ATXN1: variants seen among roughly 807,000 people sequenced by gnomAD.
ATXN1 encodes the protein ataxin 1.
Under a neutral mutation model 56.4 loss-of-function variants are expected in ATXN1, and 8 were observed. The observed-to-expected ratio is 0.14, with a 90% CI of 0.08 to 0.26. The LOEUF (loss-of-function observed/expected upper bound fraction) is 0.26. ATXN1 is among the 10% of genes least tolerant of loss of function. ATXN1 has a pLI of 1.00. For missense variants in ATXN1, 987 were observed against 1,106.5 expected (o/e 0.89, Z 1.53); for synonymous variants, 514 against 494.6 (o/e 1.04, Z -0.52).
intron 4 of ATXN1, among the ~76,000 whole-genome samples, chr6:16,527,298 G>A (rs1761414379): frequency 6.6e-6 from 1 of 152,052 alleles, no homozygotes; most frequent in Admixed American, 6.5e-5. Context: ...AATGGGCAGA[G>A]TGTGTGGAAA....
chr6:16,530,203 T>C (rs969041848), intron 4 of ATXN1, among the ~76,000 whole-genome samples: 2 of 152,234 alleles, frequency 1.3e-5, no homozygotes, highest in African/African-American at 4.8e-5. Flanking sequence ...AGCTCTATTT[T>C]CAACATTAAA....
intron 4 of ATXN1, among the ~76,000 whole-genome samples, chr6:16,551,662 C>T (rs1761922544): frequency 6.6e-6 from 1 of 152,154 alleles, no homozygotes; most frequent in Admixed American, 6.5e-5. Flanking sequence ...ATGTCTACTG[C>T]TTCTAAGTGA....
chr6:16,439,335 T>C (rs1347931455), intron 6 of ATXN1, among the ~76,000 whole-genome samples: 4 of 15,098 alleles, frequency 2.6e-4, no homozygotes, highest in Non-Finnish European at 3.6e-4. Context: ...AGACTTCTTT[T>C]CGCGGGGGGG....
intron 2 of ATXN1, chr6:16,736,975 G>A (rs1393454400): frequency 1.3e-5 from 2 of 152,166 alleles, no homozygotes; most frequent in African/African-American, 2.4e-5. Context: ...AATAAAGAAT[G>A]TATGCACAAA....
intron 6 of ATXN1, among the ~76,000 whole-genome samples, chr6:16,357,454 G>A (rs765214904): frequency 5.9e-5 from 9 of 151,952 alleles, no homozygotes; most frequent in Non-Finnish European, 1.3e-4. Context: ...ATTTTTGGTA[G>A]AGGCGAGATT....
chr6:16,430,157 G>C (rs1043302237), intron 6 of ATXN1, among the ~76,000 whole-genome samples: 2 of 152,132 alleles, frequency 1.3e-5, no homozygotes, highest in African/African-American at 4.8e-5. Context: ...ACAAGTGTTG[G>C]AGGGAAACGG....
At chr6:16,732,263 T>A (rs1760006425) in intron 2 of ATXN1, among the ~76,000 whole-genome samples, 1 of 152,060 alleles carries the variant, frequency 6.6e-6, no homozygotes, top group Non-Finnish European at 1.5e-5. Flanking sequence ...CAGGCCAGAA[T>A]CATGACCATT....
At chr6:16,612,299 G>A (rs1438162714) in intron 3 of ATXN1, among the ~76,000 whole-genome samples, 2 of 152,150 alleles carry the variant, frequency 1.3e-5, no homozygotes, top group African/African-American at 4.8e-5. Context: ...TAACAAAAAT[G>A]AATCCTGTAT....
chr6:16,722,286 G>A (rs1329008492), intron 2 of ATXN1, among the ~76,000 whole-genome samples: 3 of 152,138 alleles, frequency 2.0e-5, no homozygotes, highest in African/African-American at 7.2e-5. Flanking sequence ...CCAAGAAAGG[G>A]CCCAAAGTTC....
intron 4 of ATXN1, among the ~76,000 whole-genome samples, chr6:16,552,213 A>C (rs1761934430): frequency 6.6e-6 from 1 of 152,178 alleles, no homozygotes; most frequent in South Asian, 2.1e-4. Flanking sequence ...TAAATTGCTC[A>C]ATATTTTAAA....
At chr6:16,419,801 G>A (rs1758994591) in intron 6 of ATXN1, among the ~76,000 whole-genome samples, 1 of 152,206 alleles carries the variant, frequency 6.6e-6, no homozygotes, top group African/African-American at 2.4e-5. Flanking sequence ...CTGGCCACCT[G>A]TGAGAAGGAC....
rs1758779364 is a variant in ATXN1, at chr6:16,410,737, A to T, written c.-161+75235T>A. ...AGAATTACATCTATTCAGGTCATAT[A>T]CAACATCCGTGGAGCAAAGTGAATT... On this transcript the variant is annotated intron_variant, in intron 6 of 7. Coordinates refer to ENST00000436367, the MANE Select transcript of ATXN1 (RefSeq NM_001128164.2). This position sits in a 1 kb window ranked among gnomAD's most constrained non-coding sequence, Gnocchi z 4.6. 6.6e-6 allele frequency among the ~76,000 whole-genome samples: 1 copy of T among 152,258 alleles called. No individual in the cohort carries two copies. The highest frequency in any genetic ancestry group is 2.4e-5 in the African/African-American group (1 of 41,466).
intron 6 of ATXN1, among the ~76,000 whole-genome samples, chr6:16,368,704 A>T (rs913904728): frequency 1.3e-5 from 2 of 152,252 alleles, no homozygotes; most frequent in African/African-American, 4.8e-5. Flanking sequence ...TTAAATAATA[A>T]AAAATGTGAT....
At chr6:16,733,063 C>T (rs925387499) in intron 2 of ATXN1, among the ~76,000 whole-genome samples, 3 of 152,190 alleles carry the variant, frequency 2.0e-5, no homozygotes, top group Non-Finnish European at 2.9e-5. Context: ...TTCTCTTATT[C>T]CTGCCATGCC....
At chr6:16,761,136 C>T in intron 1 of ATXN1, 162 bp downstream of exon 1, 1 of 367,690 alleles carries the variant, frequency 2.7e-6, no homozygotes, top group Non-Finnish European at 5.3e-6. Context: ...CCTCTTCCAG[C>T]TGTTTTCCGT....
chr6:16,560,573 C>A, intron 4 of ATXN1, among the ~76,000 whole-genome samples: 1 of 152,200 alleles, frequency 6.6e-6, no homozygotes, highest in African/African-American at 2.4e-5. Context: ...CCCAGCTCCT[C>A]TCAGACACCC....
chr6:16,496,637 C>T (rs1203993658), intron 5 of ATXN1, among the ~76,000 whole-genome samples: 3 of 152,138 alleles, frequency 2.0e-5, no homozygotes, highest in South Asian at 2.1e-4. Context: ...GAGTAAAGGA[C>T]GCTGGCAAGA....
chr6:16,713,669 C>G (rs1759573148), intron 2 of ATXN1, among the ~76,000 whole-genome samples: 1 of 152,208 alleles, frequency 6.6e-6, no homozygotes, highest in South Asian at 2.1e-4. Flanking sequence ...GCTTACTACC[C>G]CTCACTTAAA....
In ATXN1 at chr6:16,410,191, C is replaced by A. The variant is rs1046566988; in HGVS notation, c.-161+75781G>T. Among the ~76,000 whole-genome samples, 2 of 152,198 alleles carry A rather than the reference C, an allele frequency of 1.3e-5. No individual in the cohort carries two copies. Among genetic ancestry groups the A allele is most frequent in the Non-Finnish European group, 2.9e-5 (2 of 68,024 alleles). ...ACGCCGTGTGAATCACAGCATCTAGCGGCCCTCCTTCCCCCTTACTATGAC... is the reference window on the plus strand; with the variant it reads ...ACGCCGTGTGAATCACAGCATCTAGAGGCCCTCCTTCCCCCTTACTATGAC... On this transcript the variant is annotated intron_variant, in intron 6 of 7. Coordinates refer to ENST00000436367, the MANE Select transcript of ATXN1 (RefSeq NM_001128164.2). This position sits in a 1 kb window ranked among gnomAD's most constrained non-coding sequence, Gnocchi z 4.6.
Sources: allele counts gnomAD v4.1 joint callset (sites outside exome capture counted in the v4.1 genomes callset), GRCh38; gene constraint gnomAD v4.1.1; non-coding constraint Gnocchi (gnomAD v3.1); transcripts MANE v1.5; gene names NCBI Gene and HGNC (gene_info 2026-07-23, HGNC 2026-07-21).